Variants in PHC2 observed in about 807,000 individuals in gnomAD.
The protein encoded by PHC2 is polyhomeotic-like protein 2.
A neutral mutation model predicts 87.4 loss-of-function variants in PHC2; 29 were observed. The ratio of observed to expected loss-of-function variants is 0.33; its 90% CI spans 0.25 to 0.45. PHC2 has a LOEUF of 0.45. Among genes scored for constraint, PHC2 ranks in the 20% least tolerant of loss-of-function variants. PHC2 has a pLI of 1.00. For synonymous variants in PHC2, 438 were observed against 461.7 expected (o/e 0.95, Z 0.66); for missense variants, 857 against 1,136.7 (o/e 0.75, Z 3.54).
chr1:33,417,640 A>G (rs1046692291), intron 1 of PHC2, among the ~76,000 whole-genome samples: 1 of 152,128 alleles, frequency 6.6e-6, no homozygotes. Context: ...GCAAGAACTG[A>G]TAGCACTAAA....
rs1647030918 is a variant in PHC2, at chr1:33,354,492, G to C, written c.1467C>G (p.Gly489=). 3 of 1,613,998 alleles carry C rather than the reference G, an allele frequency of 1.9e-6. No individual in the cohort carries two copies. The Admixed American group carries it at 5.0e-5, about 27-fold the overall frequency. The part of the protein sequence containing the change: ...GEKSVPETRS[G]PSPHQQAIVT... ...CAATAGCCTGCTGATGTGGTGATGG[G>C]CCAGACCGCGTCTCAGGCACACTTT... The change falls in exon 9 of 15, where the codon GGC becomes GGG. Residue 489 remains glycine, a synonymous_variant. Coordinates refer to ENST00000683057, the MANE Select transcript of PHC2 (RefSeq NM_001385109.1).
intron 8 of PHC2, 114 bp from the exon 9 acceptor site, chr1:33,354,680 C>T (rs1647035644): frequency 3.0e-6 from 4 of 1,335,640 alleles, no homozygotes; most frequent in Non-Finnish European, 2.0e-6. Flanking sequence ...AAGATTCAGT[C>T]ATCCTCAAAT....
At chr1:33,338,353 T>G (rs1646680221) in intron 9 of PHC2, among the ~76,000 whole-genome samples, 1 of 152,230 alleles carries the variant, frequency 6.6e-6, no homozygotes, top group African/African-American at 2.4e-5. Flanking sequence ...CATTAGAAAC[T>G]ACCACTCCCC....
At chr1:33,341,670 A>G (rs1646747970) in intron 9 of PHC2, among the ~76,000 whole-genome samples, 1 of 152,240 alleles carries the variant, frequency 6.6e-6, no homozygotes, top group Non-Finnish European at 1.5e-5. Context: ...AGTTGTTAAG[A>G]TGACCCATTT....
chr1:33,359,528 CAACA>C (rs1233363092), intron 7 of PHC2, among the ~76,000 whole-genome samples: 5 of 152,138 alleles, frequency 3.3e-5, no homozygotes, highest in African/African-American at 1.2e-4. Flanking sequence ...TTCACTCACT[CAACA>C]AACAATTTAT....
chr1:33,428,612 T>C (rs575219307), intron 1 of PHC2, among the ~76,000 whole-genome samples: 15 of 152,320 alleles, frequency 9.8e-5, no homozygotes, highest in South Asian at 8.3e-4. Context: ...GAAGTAAAAA[T>C]AGGCTGGCTA....
Position 33,332,741 on chromosome 1 carries a change from C to T in PHC2, c.1762-337G>A, listed in dbSNP as rs1557818252. Among the ~76,000 whole-genome samples, 2 of 152,158 alleles carry T rather than the reference C, an allele frequency of 1.3e-5. No individual in the cohort carries two copies. The highest frequency in any genetic ancestry group is 4.8e-5 in the African/African-American group (2 of 41,442). On this transcript the variant is annotated intron_variant, in intron 10 of 14. Coordinates refer to ENST00000683057, the MANE Select transcript of PHC2 (RefSeq NM_001385109.1). The surrounding 1 kb of genome is among the most constrained non-coding windows in gnomAD (Gnocchi z 4.2). ...ATCAAGCACCAAGACCCAGTACCCA[C>T]GCATCTCCAGGCAAGGACAGAGCGG...
intron 7 of PHC2, among the ~76,000 whole-genome samples, chr1:33,357,336 A>G (rs1647109806): frequency 6.6e-6 from 1 of 152,178 alleles, no homozygotes; most frequent in African/African-American, 2.4e-5. Flanking sequence ...TCCTTCTTGA[A>G]TTTTGTCTGT....
intron 3 of PHC2, among the ~76,000 whole-genome samples, 197 bp from the exon 4 acceptor site, chr1:33,371,291 T>C (rs1452495310): frequency 6.6e-6 from 1 of 152,206 alleles, no homozygotes; most frequent in Non-Finnish European, 1.5e-5. Context: ...TAACAGTACC[T>C]GCCTGATAGG....
intron 7 of PHC2, among the ~76,000 whole-genome samples, chr1:33,361,349 T>C (rs1647190214): frequency 6.6e-6 from 1 of 152,142 alleles, no homozygotes; most frequent in African/African-American, 2.4e-5. Context: ...TTTTGTTTTT[T>C]GTTTTTTTGA....
intron 7 of PHC2, among the ~76,000 whole-genome samples, chr1:33,361,789 C>T (rs888591572): frequency 6.6e-6 from 1 of 152,246 alleles, no homozygotes; most frequent in Non-Finnish European, 1.5e-5. Context: ...AAGAGGAAGT[C>T]TCATCAGAAC....
At position 33,349,824 on chromosome 1, in the gene PHC2, A is replaced by G. The variant is rs1234322034; in HGVS notation, c.1558+4577T>C. On this transcript the variant is annotated intron_variant, in intron 9 of 14. Transcript: ENST00000683057. The surrounding 1 kb of genome is among the most constrained non-coding windows in gnomAD (Gnocchi z 4.2). Reference sequence around the variant, plus strand: ...GACGGGGGCGCGAGGCCGGGGCGGGAGCGCGGGCGGCGGCCGGGGTTGCGC... The same window carrying G: ...GACGGGGGCGCGAGGCCGGGGCGGGGGCGCGGGCGGCGGCCGGGGTTGCGC... The G allele has an allele frequency of 1.3e-5, 13 of 973,142 alleles. No individual in the cohort carries two copies. Among genetic ancestry groups the G allele is most frequent in the East Asian group, 1.2e-4 (1 of 8,500 alleles). The allele number at this position is 973,142 out of a possible 1,614,324, so 60.3% of individuals were successfully genotyped here.
chr1:33,420,675 T>A (rs1231207854), intron 1 of PHC2, among the ~76,000 whole-genome samples: 4 of 152,080 alleles, frequency 2.6e-5, no homozygotes, highest in Non-Finnish European at 5.9e-5. Context: ...GGTGGCACGA[T>A]CATAGTTCAC....
intron 1 of PHC2, among the ~76,000 whole-genome samples, chr1:33,407,921 C>A (rs1649828358): frequency 6.6e-6 from 1 of 152,136 alleles, no homozygotes; most frequent in Non-Finnish European, 1.5e-5. Flanking sequence ...ATTCCTGATA[C>A]CTGTGGTCAG....
In PHC2 at chr1:33,382,794, G is replaced by A. The variant is rs572178663; in HGVS notation, c.-54-7201C>T. On this transcript the variant is annotated intron_variant, in intron 1 of 14. Transcript: ENST00000683057. This position sits in a 1 kb window ranked among gnomAD's most constrained non-coding sequence, Gnocchi z 4.3. The stretch of plus-strand genomic sequence containing the variant: ...CCCTCCCAGGAGCCGCCAAGTCTAC[G>A]AAACACTAGGCCTTTGTCCCCAGTG... 3.9e-5 allele frequency among the ~76,000 whole-genome samples: 6 copies of A among 152,328 alleles called. No homozygotes were observed. In the South Asian group the frequency reaches 1.0e-3, roughly 26 times the overall value.
At chr1:33,391,627 A>G (rs192360122) in intron 1 of PHC2, among the ~76,000 whole-genome samples, 2 of 151,348 alleles carry the variant, frequency 1.3e-5, no homozygotes, top group East Asian at 1.9e-4. Context: ...CCTCTGCATC[A>G]TGCCTAATAC....
At chr1:33,383,181 C>T (rs1251563029) in intron 1 of PHC2, among the ~76,000 whole-genome samples, 1 of 152,176 alleles carries the variant, frequency 6.6e-6, no homozygotes, top group Non-Finnish European at 1.5e-5. Flanking sequence ...CTCCTTACAC[C>T]TCTCGGCTGC....
chr1:33,419,459 C>T (rs982643943), intron 1 of PHC2, among the ~76,000 whole-genome samples: 22 of 152,172 alleles, frequency 1.4e-4, no homozygotes, highest in Middle Eastern at 3.2e-3. Context: ...AAGAATCTAT[C>T]CACTCTTTGC....
At chr1:33,326,804 T>C (rs944468897) in intron 14 of PHC2, among the ~76,000 whole-genome samples, 2 of 151,972 alleles carry the variant, frequency 1.3e-5, no homozygotes, top group African/African-American at 2.4e-5. Context: ...ATACAAAAAT[T>C]AGCTGTGTGT....
Sources: allele counts gnomAD v4.1 joint callset (sites outside exome capture counted in the v4.1 genomes callset), GRCh38; gene constraint gnomAD v4.1.1; non-coding constraint Gnocchi (gnomAD v3.1); transcripts MANE v1.5; gene names NCBI Gene and HGNC (gene_info 2026-07-23, HGNC 2026-07-21).